Variants in LIMA1 observed in about 807,000 individuals in gnomAD.
LIMA1 encodes LIM domain and actin-binding protein 1.
LIMA1 carries 52 observed loss-of-function variants against 62.6 expected under a neutral mutation model. The observed-to-expected ratio is 0.83, with a 90% CI of 0.67 to 1.05. The LOEUF (loss-of-function observed/expected upper bound fraction) is 1.05. Ranked by LOEUF, LIMA1 falls within the 50% of genes least tolerant of loss-of-function variation. LIMA1 has a pLI of 0.00. For synonymous variants in LIMA1, 302 were observed against 317.8 expected, an observed-to-expected ratio of 0.95 and a Z score of 0.53; for missense variants, 780 against 902.2, an observed-to-expected ratio of 0.86 and a Z score of 1.74.
intron 3 of LIMA1, among the ~76,000 whole-genome samples, chr12:50,225,359 A>G (rs192506973): frequency 5.5e-4 from 84 of 152,248 alleles, no homozygotes; most frequent in African/African-American, 2.0e-3. Context: ...CATTTTCCCT[A>G]CTTGACTCCC....
chr12:50,262,207 C>G (rs1044344809), intron 1 of LIMA1, among the ~76,000 whole-genome samples: 11 of 152,028 alleles, frequency 7.2e-5, no homozygotes, highest in African/African-American at 2.4e-4. Context: ...CTATTTGGCT[C>G]TACAGGTAAC....
intron 1 of LIMA1, among the ~76,000 whole-genome samples, chr12:50,270,743 T>C (rs1344948080): frequency 1.3e-5 from 2 of 152,150 alleles, no homozygotes; most frequent in Non-Finnish European, 2.9e-5. Flanking sequence ...ATTAGTTTTT[T>C]ACATAATTGT....
At position 50,203,789 on chromosome 12, in the gene LIMA1, T is replaced by C. The variant is rs114827526; in HGVS notation, c.864+763A>G. On this transcript the variant is annotated intron_variant, in intron 6 of 10. Transcript: ENST00000341247. ...CCCTTTTCCTTATCTACTATTCTAC[T>C]TCTTTAGGAAAACAGTACATCGTAA... Among the ~76,000 whole-genome samples, 1,225 of 152,326 alleles carry C rather than the reference T, an allele frequency of 8.0e-3. 17 individuals are homozygous for C. Among genetic ancestry groups the C allele is most frequent in the African/African-American group, 0.028 (1,172 of 41,570 alleles).
intron 2 of LIMA1, among the ~76,000 whole-genome samples, chr12:50,247,229 C>T (rs1050148267): frequency 6.6e-6 from 1 of 151,972 alleles, no homozygotes; most frequent in Admixed American, 6.6e-5. Context: ...TGCCCTTCCC[C>T]GAAATGAGTC....
chr12:50,255,590 AAAAGAAAGAAAAGAAAGG>A (rs1173831134), intron 1 of LIMA1, among the ~76,000 whole-genome samples: 2 of 151,300 alleles, frequency 1.3e-5, no homozygotes, highest in African/African-American at 4.8e-5. Context: ...AAAAGTAAAG[AAAAGAAAGAAAAGAAAGG>A]AAAGAAAGAA....
chr12:50,214,061 CAG>C (rs916749691), intron 4 of LIMA1, among the ~76,000 whole-genome samples: 16 of 151,462 alleles, frequency 1.1e-4, no homozygotes, highest in African/African-American at 3.4e-4. Flanking sequence ...CGAGATTACT[CAG>C]AGTTATTAAG....
chr12:50,185,183 T>A (rs1414004676), intron 9 of LIMA1, among the ~76,000 whole-genome samples: 2 of 152,124 alleles, frequency 1.3e-5, no homozygotes, highest in Admixed American at 6.6e-5. Flanking sequence ...TAAGTGCTCA[T>A]TCTGGTCAGT....
At chr12:50,182,366 G>T (rs1940525936) in intron 9 of LIMA1, among the ~76,000 whole-genome samples, 1 of 151,984 alleles carries the variant, frequency 6.6e-6, no homozygotes, top group Non-Finnish European at 1.5e-5. Flanking sequence ...GTCGGGGGGG[G>T]GAGTGCAGGG....
intron 2 of LIMA1, among the ~76,000 whole-genome samples, chr12:50,235,946 C>A (rs547404561): frequency 6.6e-6 from 1 of 152,224 alleles, no homozygotes; most frequent in African/African-American, 2.4e-5. Flanking sequence ...GGGTGGATCA[C>A]CTGAGGTCAG....
At chr12:50,203,334 C>T (rs938708382) in intron 6 of LIMA1, among the ~76,000 whole-genome samples, 82 of 151,896 alleles carry the variant, frequency 5.4e-4, no homozygotes, top group African/African-American at 1.8e-3. Flanking sequence ...TTCAATTTAG[C>T]AGTTCTGTAG....
intron 9 of LIMA1, among the ~76,000 whole-genome samples, chr12:50,182,568 G>T (rs1001814548): frequency 6.6e-6 from 1 of 152,164 alleles, no homozygotes; most frequent in Non-Finnish European, 1.5e-5. Flanking sequence ...CAATCAACTA[G>T]ACATACTATT....
intron 8 of LIMA1, among the ~76,000 whole-genome samples, chr12:50,194,560 A>C (rs879868857): frequency 3.3e-5 from 5 of 151,182 alleles, no homozygotes; most frequent in Non-Finnish European, 7.4e-5. Context: ...GGCCTCCCAA[A>C]GTGCTGGGAT....
chr12:50,279,217 G>A (rs998782402), intron 1 of LIMA1, among the ~76,000 whole-genome samples: 1 of 150,948 alleles, frequency 6.6e-6, no homozygotes, highest in African/African-American at 2.4e-5. Context: ...TGTTGGCCAG[G>A]CTGGTCTCGA....
intron 4 of LIMA1, among the ~76,000 whole-genome samples, chr12:50,219,075 C>T (rs984747953): frequency 6.6e-6 from 1 of 152,030 alleles, no homozygotes; most frequent in Non-Finnish European, 1.5e-5. Context: ...ATAAAAGATT[C>T]AAAAAGTAGC....
chr12:50,256,056 AT>A lies in LIMA1; in HGVS notation c.-23-7283del, dbSNP rs992444522. ...AGGCATGTGCCACCACACTCGGCTAATTTTTTTTTTTGTATTTTTAGTAGAG... is the reference window on the plus strand; with the variant it reads ...AGGCATGTGCCACCACACTCGGCTAATTTTTTTTTTGTATTTTTAGTAGAG... On this transcript the variant is annotated intron_variant, in intron 1 of 10. Coordinates refer to ENST00000341247, the MANE Select transcript of LIMA1 (RefSeq NM_016357.5). Among the ~76,000 whole-genome samples, 149 of 146,380 alleles carry A rather than the reference AT, an allele frequency of 1.0e-3. 1 individual carries two copies. The highest frequency in any genetic ancestry group is 2.7e-3 in the African/African-American group (110 of 40,204).
chr12:50,198,449 G>A (rs1940976249), intron 7 of LIMA1, among the ~76,000 whole-genome samples: 1 of 152,216 alleles, frequency 6.6e-6, no homozygotes, highest in Non-Finnish European at 1.5e-5. Flanking sequence ...AGCCACTTGG[G>A]AGGCTGAGGC....
Position 50,177,930 on chromosome 12 carries a change from C to T in LIMA1, c.1414G>A (p.Glu472Lys), listed in dbSNP as rs143161260. ...KDLWASKNEN[E>K]EILERPAQLA... ...TGGGCTGGTCTCTCCAAAATCTCTT[C>T]GTTTTCATTTTTGCTTGCCCATAGA... The change falls in exon 11 of 11, where the codon GAA becomes AAA. Residue 472 changes from glutamate (E) to lysine (K), a missense_variant. Coordinates refer to ENST00000341247, the MANE Select transcript of LIMA1 (RefSeq NM_016357.5). 22 of 1,614,024 alleles carry T rather than the reference C, an allele frequency of 1.4e-5. No homozygotes were observed. The African/African-American group carries it at 2.3e-4, about 17-fold the overall frequency.
At chr12:50,251,156 TA>T (rs1438971990) in intron 1 of LIMA1, among the ~76,000 whole-genome samples, 3 of 152,184 alleles carry the variant, frequency 2.0e-5, no homozygotes, top group Admixed American at 6.5e-5. Flanking sequence ...CTTAACTATA[TA>T]AAACTATCAT....
chr12:50,190,599 T>G (rs1940739209), intron 9 of LIMA1, among the ~76,000 whole-genome samples: 1 of 147,486 alleles, frequency 6.8e-6, no homozygotes, highest in African/African-American at 2.5e-5. Context: ...AGGCTGGTCT[T>G]GAACTCCCGA....
Sources: gnomAD v4.1 joint callset for allele counts (sites outside exome capture counted in the v4.1 genomes callset) on GRCh38, gnomAD v4.1.1 for gene constraint, MANE v1.5 for transcripts, NCBI Gene and HGNC (gene_info 2026-07-23, HGNC 2026-07-21) for gene names.